Variants in CIMIP4 observed in about 807,000 individuals in gnomAD.
CIMIP4 encodes the protein protein EAN57.
the CIMIP4 span, among the ~76,000 whole-genome samples, chr22:37,004,775 C>T: frequency 6.6e-6 from 1 of 152,050 alleles, no homozygotes; most frequent in South Asian, 2.1e-4. Context: ...GCAACCTCCA[C>T]CTCCCAAGTT....
chr22:37,000,135 G>T, the CIMIP4 span: 1 of 1,037,382 alleles, frequency 9.6e-7, no homozygotes, highest in Non-Finnish European at 1.3e-6. Flanking sequence ...GGGCTGGGGA[G>T]CTGGGGTATA....
chr22:37,003,779 T>G, the CIMIP4 span, among the ~76,000 whole-genome samples: 2 of 152,108 alleles, frequency 1.3e-5, no homozygotes, highest in South Asian at 4.1e-4. Context: ...GGCTCAGTAA[T>G]TCCGTTCCCT....
At chr22:37,002,005 G>T in the CIMIP4 span, 1 of 1,613,768 alleles carries the variant, frequency 6.2e-7, no homozygotes, top group Non-Finnish European at 8.5e-7. Flanking sequence ...CTCCCGAGGT[G>T]GCCCTGTTCT....
the CIMIP4 span, chr22:37,002,023 G>A: frequency 6.2e-7 from 1 of 1,612,496 alleles, no homozygotes. Flanking sequence ...TCTCTCTCGA[G>A]GAGGATCGAG....
At chr22:36,995,209 G>A in the CIMIP4 span, among the ~76,000 whole-genome samples, 1 of 152,190 alleles carries the variant, frequency 6.6e-6, no homozygotes, top group African/African-American at 2.4e-5. Context: ...CTGGATACCT[G>A]GACACAGAGG....
the CIMIP4 span, among the ~76,000 whole-genome samples, chr22:36,996,515 G>A: frequency 2.0e-5 from 3 of 151,886 alleles, no homozygotes; most frequent in Non-Finnish European, 4.4e-5. Context: ...ATCACAAAAT[G>A]TTACTGAGAG....
chr22:36,991,560 C>T, the CIMIP4 span: 14 of 1,614,170 alleles, frequency 8.7e-6, no homozygotes, highest in Non-Finnish European at 1.1e-5. Flanking sequence ...TGTAAGAAGC[C>T]TTCATGAGGC....
chr22:36,997,300 A>G, the CIMIP4 span, among the ~76,000 whole-genome samples: 1 of 152,264 alleles, frequency 6.6e-6, no homozygotes, highest in Non-Finnish European at 1.5e-5. Context: ...ACGATTTAGC[A>G]TAGGATAGGA....
At chr22:36,994,133 T>C in the CIMIP4 span, among the ~76,000 whole-genome samples, 28 of 152,240 alleles carry the variant, frequency 1.8e-4, no homozygotes, top group South Asian at 5.6e-3. Flanking sequence ...AAGGCAAAAT[T>C]GACAGAACCA....
the CIMIP4 span, among the ~76,000 whole-genome samples, chr22:36,997,115 T>A: frequency 3.9e-5 from 6 of 152,344 alleles, no homozygotes; most frequent in South Asian, 1.2e-3. Context: ...TAAAGTTTCC[T>A]CAAGCCTCAG....
the CIMIP4 span, among the ~76,000 whole-genome samples, chr22:37,006,705 T>C: frequency 2.0e-5 from 3 of 152,150 alleles, no homozygotes; most frequent in Admixed American, 1.3e-4. Context: ...ATGTACATTA[T>C]TGGGGGCCAG....
At chr22:37,002,133 G>T in the CIMIP4 span, 1 of 1,546,174 alleles carries the variant, frequency 6.5e-7, no homozygotes, top group East Asian at 2.4e-5. Context: ...AAGTGGCACT[G>T]CCCTAGGGAG....
the CIMIP4 span, among the ~76,000 whole-genome samples, chr22:36,995,512 G>T: frequency 1.3e-5 from 2 of 152,182 alleles, no homozygotes; most frequent in African/African-American, 4.8e-5. Flanking sequence ...ATCCCACATG[G>T]TTCCCCCGCA....
chr22:36,999,590 T>TGGGGGGGGG, the CIMIP4 span, among the ~76,000 whole-genome samples: 2 of 6,808 alleles, frequency 2.9e-4, no homozygotes, highest in Non-Finnish European at 2.4e-4. Context: ...GAGGGGGGGA[T>TGGGGGGGGG]GGGAGGGGAG....
the CIMIP4 span, among the ~76,000 whole-genome samples, chr22:37,003,403 TG>T: frequency 1.3e-5 from 2 of 152,316 alleles, no homozygotes; most frequent in South Asian, 4.1e-4. Context: ...CACTCACCCC[TG>T]GGGACCATTC....
At chr22:37,002,940 C>T in the CIMIP4 span, among the ~76,000 whole-genome samples, 7 of 152,344 alleles carry the variant, frequency 4.6e-5, no homozygotes, top group South Asian at 2.1e-4. Context: ...CTGTCTCCCA[C>T]GTCCCTGCCC....
At chr22:37,000,045 TC>T in the CIMIP4 span, 1 of 1,551,784 alleles carries the variant, frequency 6.4e-7, no homozygotes, top group Admixed American at 1.9e-5. Context: ...GCCCCATATC[TC>T]CCTCCAACTC....
chr22:36,998,088 C>T, the CIMIP4 span, among the ~76,000 whole-genome samples: 1 of 152,170 alleles, frequency 6.6e-6, no homozygotes, highest in Non-Finnish European at 1.5e-5. Flanking sequence ...CCAGCACACC[C>T]TTGGCACAGT....
the CIMIP4 span, chr22:37,002,292 A>C: frequency 4.6e-5 from 65 of 1,416,700 alleles, no homozygotes; most frequent in African/African-American, 8.1e-4. Context: ...GCCCTGGTGA[A>C]AGTGGTTGTA....
Sources: gnomAD v4.1 joint callset for allele counts (sites outside exome capture counted in the v4.1 genomes callset) on GRCh38, gnomAD v4.1.1 for gene constraint, MANE v1.5 for transcripts, NCBI Gene and HGNC (gene_info 2026-07-23, HGNC 2026-07-21) for gene names.